ADCY10: variants seen among roughly 807,000 people sequenced by gnomAD.
ADCY10 encodes adenylate cyclase type 10.
ADCY10 carries 156 observed loss-of-function variants against 183.3 expected under a neutral mutation model. The ratio of observed to expected loss-of-function variants is 0.85; its 90% CI spans 0.75 to 0.97. The LOEUF is 0.97. ADCY10 is among the 50% of genes least tolerant of loss of function. The pLI is 0.00. For missense variants in ADCY10, 1,745 were observed against 1,934.3 expected (o/e 0.90, Z 1.84); for synonymous variants, 645 against 670.0 (o/e 0.96, Z 0.58).
rs545862271 is a variant in ADCY10 at position 167,897,492 on chromosome 1, A to T, written c.643-801T>A. Among the ~76,000 whole-genome samples the T allele has an allele frequency of 1.2e-4, 18 of 147,426 alleles. No homozygotes were observed. In the East Asian group the frequency reaches 3.6e-3, roughly 29 times the overall value. On this transcript the variant is annotated intron_variant, in intron 6 of 32. Coordinates refer to ENST00000367851, the MANE Select transcript of ADCY10 (RefSeq NM_018417.6). Reference sequence around the variant, plus strand: ...CCACTGGGTGACAGAGTAAGATTCCATCTCAAAAAAAAATATATATATATG... The same window carrying T: ...CCACTGGGTGACAGAGTAAGATTCCTTCTCAAAAAAAAATATATATATATG...
At chr1:167,856,868 T>G (rs576868591) in intron 16 of ADCY10, among the ~76,000 whole-genome samples, 1 of 152,368 alleles carries the variant, frequency 6.6e-6, no homozygotes, top group African/African-American at 2.4e-5. Context: ...ACATGCTTAC[T>G]GAGCACCCCC....
At position 167,846,811 on chromosome 1, in the gene ADCY10, A is replaced by AAAGC. The variant is rs1361989860; in HGVS notation, c.2438-549_2438-548insGCTT. The stretch of plus-strand genomic sequence containing the variant: ...ATCCCAACTTTTCATCTAAGCTTGA[A>AAAGC]TATCGGTAGCTCATGTGACTTTCTG... On this transcript the variant is annotated intron_variant, in intron 19 of 32. Coordinates refer to ENST00000367851, the MANE Select transcript of ADCY10 (RefSeq NM_018417.6). 1.5e-3 allele frequency among the ~76,000 whole-genome samples: 149 copies of AAAGC among 102,718 alleles called. 2 individuals are homozygous for AAAGC. In the South Asian group the frequency reaches 0.039, roughly 27 times the overall value. The allele number at this position is 102,718 out of a possible 152,430, so 67.4% of individuals were successfully genotyped here. A position where few individuals can be genotyped will look rare whatever the true frequency, so the allele number is the denominator to read the frequency against.
intron 14 of ADCY10, among the ~76,000 whole-genome samples, chr1:167,865,855 T>A (rs1199619862): frequency 2.0e-5 from 3 of 152,228 alleles, no homozygotes; most frequent in African/African-American, 7.2e-5. Context: ...GGTCCTCCAG[T>A]CCACCAGGCG....
At chr1:167,886,974 T>G (rs542493651) in intron 8 of ADCY10, among the ~76,000 whole-genome samples, 2 of 152,250 alleles carry the variant, frequency 1.3e-5, no homozygotes, top group South Asian at 4.1e-4. Context: ...ATCAGAGACA[T>G]GCAAATCAAA....
chr1:167,888,399 G>A (rs1466676083), intron 8 of ADCY10, among the ~76,000 whole-genome samples: 1 of 151,982 alleles, frequency 6.6e-6, no homozygotes, highest in Non-Finnish European at 1.5e-5. Flanking sequence ...TATAAGCATG[G>A]AATATCTTTC....
chr1:167,904,561 TA>T (rs933128594), intron 2 of ADCY10: 4 of 382,908 alleles, frequency 1.0e-5, no homozygotes, highest in African/African-American at 8.1e-5. Flanking sequence ...TAACTGGGAA[TA>T]AAATTTTCAT....
chr1:167,865,238 T>G (rs1310649320), intron 14 of ADCY10, among the ~76,000 whole-genome samples: 1 of 152,176 alleles, frequency 6.6e-6, no homozygotes, highest in Admixed American at 6.5e-5. Flanking sequence ...CATTAAAAGG[T>G]TAAAAAAATT....
chr1:167,871,673 G>C (rs1264172072), intron 13 of ADCY10, among the ~76,000 whole-genome samples: 2 of 152,194 alleles, frequency 1.3e-5, no homozygotes, highest in African/African-American at 4.8e-5. Context: ...TAAATATCCA[G>C]GTATTATCTA....
At chr1:167,875,598 C>T (rs899094649) in intron 12 of ADCY10, among the ~76,000 whole-genome samples, 6 of 152,190 alleles carry the variant, frequency 3.9e-5, no homozygotes, top group Admixed American at 6.5e-5. Flanking sequence ...ATGTGTCTGG[C>T]GCAGTTCCAA....
Position 167,879,969 on chromosome 1 carries a change from C to G in ADCY10, c.1216+146G>C, listed in dbSNP as rs541050362. On this transcript the variant is annotated intron_variant, in intron 11 of 32. Coordinates refer to ENST00000367851, the MANE Select transcript of ADCY10 (RefSeq NM_018417.6). ...GCACACTCTGCAAGCATTGAGGGCT[C>G]CATGGCTTGGCTCCATCTGGAAGAC... The G allele has an allele frequency of 3.4e-5, 25 of 726,826 alleles. No individual in the cohort carries two copies. In the South Asian group the frequency reaches 3.8e-4, roughly 11 times the overall value. 45.0% of individuals were successfully genotyped at this position (726,826 alleles called of 1,614,324 possible).
At position 167,809,826 on chromosome 1, in the gene ADCY10, G is replaced by A. The variant is rs764745997; in HGVS notation, c.4685C>T (p.Ser1562Leu). The change falls in exon 33 of 33, where the codon TCA (serine) becomes TTA (leucine). Residue 1562 changes from serine to leucine, a missense_variant. Ser to Leu is a moderately radical substitution (Grantham distance 145). Coordinates refer to ENST00000367851, the MANE Select transcript of ADCY10 (RefSeq NM_018417.6). The stretch of plus-strand genomic sequence containing the variant: ...TTGGTCTTCTTTTAACTCAGAGGTT[G>A]AGTACCATGATTCCTGAGAGGAAAG... Reference protein sequence around the residue: ...WLNMNKESWYSTSELKEDQWL... With the variant: ...WLNMNKESWYLTSELKEDQWL... The A allele has an allele frequency of 1.9e-6, 3 of 1,614,080 alleles. No homozygotes were observed. The highest frequency in any genetic ancestry group is 3.3e-5 in the Admixed American group (2 of 60,030).
intron 14 of ADCY10, among the ~76,000 whole-genome samples, chr1:167,864,244 G>A (rs527900560): frequency 2.0e-5 from 3 of 152,216 alleles, no homozygotes; most frequent in South Asian, 2.1e-4. Flanking sequence ...GTTTTGTCTC[G>A]AAGAAACATG....
chr1:167,884,441 G>C (rs1246155140), intron 8 of ADCY10, among the ~76,000 whole-genome samples: 1 of 152,066 alleles, frequency 6.6e-6, no homozygotes, highest in Non-Finnish European at 1.5e-5. Flanking sequence ...CCTCCTACCA[G>C]TCCCCTCCAC....
intron 8 of ADCY10, among the ~76,000 whole-genome samples, chr1:167,886,866 C>A (rs1458465947): frequency 2.6e-5 from 4 of 152,074 alleles, no homozygotes; most frequent in African/African-American, 9.7e-5. Flanking sequence ...TCAAACAACC[C>A]CATCAAAAAG....
At chr1:167,845,904 C>T (rs1305421853) in intron 20 of ADCY10, 51 bp from the exon 21 acceptor site, 1 of 1,614,074 alleles carries the variant, frequency 6.2e-7, no homozygotes, top group South Asian at 1.1e-5. Flanking sequence ...AACAGATCAG[C>T]CCCTTCTACC....
intron 21 of ADCY10, among the ~76,000 whole-genome samples, chr1:167,841,034 T>C (rs1336481041): frequency 2.6e-5 from 4 of 151,304 alleles, no homozygotes; most frequent in African/African-American, 9.7e-5. Flanking sequence ...TCAACCTCCC[T>C]GGCTCAAATG....
rs906190209 is a variant in ADCY10, at chr1:167,885,621, G to A, written c.829-1993C>T. 7.9e-5 allele frequency among the ~76,000 whole-genome samples: 12 copies of A among 151,918 alleles called. No homozygotes were observed. In the South Asian group the frequency reaches 1.5e-3, roughly 18 times the overall value. ...TCTTCCTTTGAGAAATGTCTATTTC[G>A]ATCTTTTTTTTTTGAGACGGAGTCT... On this transcript the variant is annotated intron_variant, in intron 8 of 32. Transcript: ENST00000367851.
At position 167,810,743 on chromosome 1, in the gene ADCY10, G is replaced by A; in HGVS notation, c.4653C>T (p.Cys1551=). ...SETQGNILEK[C]WLNMNKESWY... Reference sequence around the variant, plus strand: ...TACATACTTTGTTCATGTTCAGCCAGCATTTCTCCAGTATATTCCCCTGTG... The same window carrying A: ...TACATACTTTGTTCATGTTCAGCCAACATTTCTCCAGTATATTCCCCTGTG... The change falls in exon 32 of 33, where the codon TGC becomes TGT. Residue 1551 remains cysteine, a synonymous_variant. Coordinates refer to ENST00000367851, the MANE Select transcript of ADCY10 (RefSeq NM_018417.6). 1 of 1,614,194 alleles carries A rather than the reference G, an allele frequency of 6.2e-7. No homozygotes were observed. Among genetic ancestry groups the A allele is most frequent in the South Asian group, 1.1e-5 (1 of 91,086 alleles).
chr1:167,845,924 T>A, intron 20 of ADCY10, 61 bp downstream of exon 20: 1 of 1,614,026 alleles, frequency 6.2e-7, no homozygotes, highest in Non-Finnish European at 8.5e-7. Context: ...CTAACATAGG[T>A]CAATTCTTTG....
Sources: gnomAD v4.1 joint callset for allele counts (sites outside exome capture counted in the v4.1 genomes callset) on GRCh38, gnomAD v4.1.1 for gene constraint, MANE v1.5 for transcripts, NCBI Gene and HGNC (gene_info 2026-07-23, HGNC 2026-07-21) for gene names.